Variants in RBMS3 observed in about 807,000 individuals in gnomAD.
RBMS3 encodes RNA binding motif single stranded interacting protein 3.
Under a neutral mutation model 66.8 loss-of-function variants are expected in RBMS3, and 27 were observed. The observed-to-expected ratio is 0.40, with a 90% CI of 0.30 to 0.56. RBMS3 has a LOEUF of 0.56. Among genes scored for constraint, RBMS3 ranks in the 20% least tolerant of loss-of-function variants. The pLI is 0.40. For missense variants in RBMS3, 513 were observed against 549.5 expected, an observed-to-expected ratio of 0.93 and a Z score of 0.66; for synonymous variants, 188 against 183.0, an observed-to-expected ratio of 1.03 and a Z score of -0.22.
intron 1 of RBMS3, among the ~76,000 whole-genome samples, chr3:29,430,385 T>C (rs2041136312): frequency 6.6e-6 from 1 of 152,148 alleles, no homozygotes; most frequent in South Asian, 2.1e-4. Flanking sequence ...TTCAGAAAGC[T>C]TCTGAAATAC....
At chr3:29,741,035 C>T (rs2054618064) in intron 5 of RBMS3, among the ~76,000 whole-genome samples, 2 of 141,628 alleles carry the variant, frequency 1.4e-5, no homozygotes, top group African/African-American at 5.5e-5. Context: ...AGCGAGACTC[C>T]ATCTCAAAAA....
chr3:29,885,418 C>A (rs992475524), intron 8 of RBMS3, among the ~76,000 whole-genome samples: 1 of 151,660 alleles, frequency 6.6e-6, no homozygotes, highest in Non-Finnish European at 1.5e-5. Flanking sequence ...GAAGAAAGTC[C>A]TCTAGAATTA....
At chr3:29,567,168 T>TC (rs1431806615) in intron 3 of RBMS3, among the ~76,000 whole-genome samples, 1 of 151,894 alleles carries the variant, frequency 6.6e-6, no homozygotes, top group Non-Finnish European at 1.5e-5. Context: ...TGTACTTTTC[T>TC]CCCCCCACAG....
intron 1 of RBMS3, among the ~76,000 whole-genome samples, chr3:29,428,454 G>A (rs192068589): frequency 3.0e-4 from 46 of 151,846 alleles, no homozygotes; most frequent in East Asian, 2.1e-3. Context: ...CTACAACCCC[G>A]CCTGCAGACA....
intron 3 of RBMS3, among the ~76,000 whole-genome samples, chr3:29,553,121 T>G (rs1251482482): frequency 6.6e-6 from 1 of 152,196 alleles, no homozygotes; most frequent in East Asian, 1.9e-4. Context: ...CCATAAGTTC[T>G]TAGAAAACAT....
At chr3:29,330,780 G>A (rs972384715) in intron 1 of RBMS3, among the ~76,000 whole-genome samples, 3 of 152,156 alleles carry the variant, frequency 2.0e-5, no homozygotes, top group African/African-American at 7.2e-5. Flanking sequence ...ACCAAATGAT[G>A]TGTTGTGCAG....
chr3:29,974,832 T>C (rs1697454451), intron 12 of RBMS3, among the ~76,000 whole-genome samples: 1 of 144,656 alleles, frequency 6.9e-6, no homozygotes, highest in South Asian at 2.1e-4. Flanking sequence ...AATACGTTTA[T>C]ATATTTATAT....
At chr3:29,536,189 C>G (rs1279899369) in intron 3 of RBMS3, among the ~76,000 whole-genome samples, 1 of 152,140 alleles carries the variant, frequency 6.6e-6, no homozygotes, top group African/African-American at 2.4e-5. Flanking sequence ...CCAAGAATCT[C>G]TTGGTAGACA....
chr3:29,840,008 C>G (rs141586471), intron 6 of RBMS3, among the ~76,000 whole-genome samples: 32 of 152,094 alleles, frequency 2.1e-4, no homozygotes, highest in African/African-American at 6.3e-4. Flanking sequence ...TCTTAATTCT[C>G]TATAGTTTCC....
intron 4 of RBMS3, among the ~76,000 whole-genome samples, chr3:29,681,917 A>C (rs760022370): frequency 5.9e-5 from 9 of 152,184 alleles, no homozygotes; most frequent in Non-Finnish European, 7.3e-5. Flanking sequence ...TAGGTCTTTG[A>C]GGAACCACCA....
intron 6 of RBMS3, among the ~76,000 whole-genome samples, chr3:29,825,451 T>C (rs1309071517): frequency 1.3e-5 from 2 of 152,152 alleles, no homozygotes; most frequent in African/African-American, 4.8e-5. Flanking sequence ...CCATGTGTTG[T>C]GGGAGGGACC....
intron 6 of RBMS3, chr3:29,767,547 T>A (rs998652753): frequency 3.9e-5 from 6 of 151,968 alleles, no homozygotes; most frequent in African/African-American, 1.4e-4. Context: ...AGGAATAATA[T>A]TTTTCGAATA....
intron 3 of RBMS3, among the ~76,000 whole-genome samples, chr3:29,567,700 T>G (rs957181638): frequency 6.6e-6 from 1 of 152,176 alleles, no homozygotes; most frequent in Non-Finnish European, 1.5e-5. Context: ...TCAGCCCTCG[T>G]GCTTATCCTT....
intron 10 of RBMS3, among the ~76,000 whole-genome samples, chr3:29,916,381 G>A (rs1373162021): frequency 1.3e-5 from 2 of 151,834 alleles, no homozygotes; most frequent in African/African-American, 2.4e-5. Flanking sequence ...ATCCATTAAA[G>A]AGCATATGCT....
At chr3:29,629,709 T>A (rs1300855462) in intron 4 of RBMS3, among the ~76,000 whole-genome samples, 5 of 152,064 alleles carry the variant, frequency 3.3e-5, no homozygotes, top group Admixed American at 3.3e-4. Flanking sequence ...CAGCAGCTGG[T>A]CAATAATTGA....
Position 29,388,084 on chromosome 3 carries a change from G to GACAC in RBMS3, c.76-46635_76-46632dup, listed in dbSNP as rs55679426. Reference sequence around the variant, plus strand: ...CAACCAAACTGTCTACACACACACAGACACACACACACACACACACACACA... The same window carrying GACAC: ...CAACCAAACTGTCTACACACACACAGACACACACACACACACACACACACACACA... On this transcript the variant is annotated intron_variant, in intron 1 of 14. Coordinates refer to ENST00000383767, the MANE Select transcript of RBMS3 (RefSeq NM_001003793.3). 7.9e-3 allele frequency among the ~76,000 whole-genome samples: 1,160 copies of GACAC among 147,046 alleles called. 17 individuals carry two copies. The highest frequency in any genetic ancestry group is 0.021 in the South Asian group (99 of 4,734).
At chr3:29,817,611 G>A (rs1200346113) in intron 6 of RBMS3, among the ~76,000 whole-genome samples, 2 of 152,046 alleles carry the variant, frequency 1.3e-5, no homozygotes, top group East Asian at 3.9e-4. Context: ...GAAAGTAGAA[G>A]TCAACATGCA....
At chr3:29,854,964 A>G (rs2059034275) in intron 6 of RBMS3, among the ~76,000 whole-genome samples, 1 of 152,220 alleles carries the variant, frequency 6.6e-6, no homozygotes, top group South Asian at 2.1e-4. Flanking sequence ...GCATAGCTCC[A>G]GGAAAATGGC....
chr3:29,767,517 C>A (rs1307277124), intron 6 of RBMS3: 1 of 151,858 alleles, frequency 6.6e-6, no homozygotes, highest in East Asian at 1.9e-4. Flanking sequence ...CAGAACTTTG[C>A]ACAAGTAGTT....
Sources: allele counts gnomAD v4.1 joint callset (sites outside exome capture counted in the v4.1 genomes callset), GRCh38; gene constraint gnomAD v4.1.1; transcripts MANE v1.5; gene names NCBI Gene and HGNC (gene_info 2026-07-23, HGNC 2026-07-21).